The following NAA35 variants were observed in gnomAD, a reference collection of about 807,000 sequenced individuals.
NAA35 encodes N-alpha-acetyltransferase 35, NatC auxiliary subunit.
Under a neutral mutation model 101.7 loss-of-function variants are expected in NAA35, and 18 were observed. That is an observed-to-expected ratio of 0.18 (90% CI 0.12 to 0.26). The LOEUF is 0.26. NAA35 is among the 10% of genes least tolerant of loss of function. NAA35 has a pLI of 1.00. For missense variants in NAA35, 601 were observed against 886.8 expected, an observed-to-expected ratio of 0.68 and a Z score of 4.09; for synonymous variants, 267 against 273.1, an observed-to-expected ratio of 0.98 and a Z score of 0.22.
chr9:85,994,738 GGGGGAA>G, intron 11 of NAA35, among the ~76,000 whole-genome samples: 1 of 152,152 alleles, frequency 6.6e-6, no homozygotes, highest in South Asian at 2.1e-4. Flanking sequence ...CTTTTATCCG[GGGGGAA>G]GGGGAAGGTA....
intron 14 of NAA35, among the ~76,000 whole-genome samples, chr9:86,009,558 G>C (rs1831806269): frequency 6.6e-6 from 1 of 152,112 alleles, no homozygotes; most frequent in Non-Finnish European, 1.5e-5. Flanking sequence ...ATGTGACACT[G>C]AAGTAGGGTC....
intron 6 of NAA35, among the ~76,000 whole-genome samples, chr9:85,974,113 T>G (rs1830116320): frequency 6.6e-6 from 1 of 152,060 alleles, no homozygotes; most frequent in Admixed American, 6.6e-5. Context: ...CATGCCACCA[T>G]GCCTGGCTAA....
intron 6 of NAA35, among the ~76,000 whole-genome samples, chr9:85,969,445 A>G (rs1193464726): frequency 6.6e-6 from 1 of 152,084 alleles, no homozygotes; most frequent in Non-Finnish European, 1.5e-5. Flanking sequence ...CTGTTTGTGC[A>G]TTGATCCCAT....
Position 86,013,026 on chromosome 9 carries a change from A to T in NAA35, c.1291-20A>T, listed in dbSNP as rs1231000427. On this transcript the variant is annotated intron_variant, in intron 15 of 22. Coordinates refer to ENST00000361671, the MANE Select transcript of NAA35 (RefSeq NM_024635.4). The stretch of plus-strand genomic sequence containing the variant: ...AGGAAATTTCATATTTACAGTTGAC[A>T]AATTATATGTGTATTGCAGCCATTC... 6.9e-7 allele frequency: 1 copy of T among 1,451,248 alleles called. No homozygotes were observed. 89.9% of individuals were successfully genotyped at this position (1,451,248 alleles called of 1,614,324 possible).
chr9:86,018,138 C>A, intron 19 of NAA35, 117 bp from the exon 20 acceptor site: 1 of 858,544 alleles, frequency 1.2e-6, no homozygotes, highest in Non-Finnish European at 1.8e-6. Context: ...CTCATTTCTT[C>A]AGAAGTGTTT....
At chr9:85,978,480 C>G (rs1446914584) in intron 11 of NAA35, 99 bp downstream of exon 11, 1 of 744,224 alleles carries the variant, frequency 1.3e-6, no homozygotes, top group Non-Finnish European at 2.3e-6. Context: ...CAGTCTTGTA[C>G]CTTGGGATGT....
chr9:85,953,441 T>C (rs960887687), intron 2 of NAA35, among the ~76,000 whole-genome samples: 1 of 152,096 alleles, frequency 6.6e-6, no homozygotes, highest in Admixed American at 6.6e-5. Context: ...TTTTTTCTCT[T>C]TTTGAGACAG....
chr9:85,986,786 T>G (rs1025177346), intron 11 of NAA35: 17 of 264,450 alleles, frequency 6.4e-5, no homozygotes, highest in African/African-American at 1.2e-4. Flanking sequence ...AGACGGAGTT[T>G]CACCATGTTG....
chr9:86,017,210 T>TCC (rs1447402921), intron 18 of NAA35, among the ~76,000 whole-genome samples: 1 of 152,248 alleles, frequency 6.6e-6, no homozygotes, highest in East Asian at 1.9e-4. Context: ...GGTCATTAAA[T>TCC]CACTGTATTT....
At chr9:85,963,416 G>A (rs1371240565) in intron 6 of NAA35, among the ~76,000 whole-genome samples, 1 of 151,402 alleles carries the variant, frequency 6.6e-6, no homozygotes, top group African/African-American at 2.4e-5. Flanking sequence ...GATTACAGGC[G>A]TGCACCACCA....
intron 1 of NAA35, chr9:85,941,781 C>T (rs755177755): frequency 1.8e-4 from 183 of 996,130 alleles, no homozygotes; most frequent in Non-Finnish European, 2.1e-4. Flanking sequence ...GCATGGGGTC[C>T]TGGGCTGCGA....
At chr9:85,987,934 A>G (rs1447792440) in intron 11 of NAA35, among the ~76,000 whole-genome samples, 2 of 152,240 alleles carry the variant, frequency 1.3e-5, no homozygotes. Context: ...ACTGTGTTAA[A>G]CTATGTGAAT....
chr9:85,944,401 A>G (rs1330572849), intron 2 of NAA35, among the ~76,000 whole-genome samples: 1 of 152,178 alleles, frequency 6.6e-6, no homozygotes, highest in African/African-American at 2.4e-5. Flanking sequence ...ATGGATTAGG[A>G]TGAAAAGAGT....
intron 17 of NAA35, among the ~76,000 whole-genome samples, chr9:86,014,833 A>G (rs1468826550): frequency 1.3e-5 from 2 of 152,204 alleles, no homozygotes; most frequent in Non-Finnish European, 2.9e-5. Flanking sequence ...ATTCTTCAAC[A>G]TTTATATAGA....
chr9:85,988,766 A>T (rs1390067424), intron 11 of NAA35, among the ~76,000 whole-genome samples: 1 of 151,764 alleles, frequency 6.6e-6, no homozygotes. Context: ...ATTGCACTCC[A>T]GTCTGGGCAA....
At chr9:85,986,591 C>CTT in intron 11 of NAA35, 6 of 260,274 alleles carry the variant, frequency 2.3e-5, no homozygotes, top group East Asian at 1.0e-4. Context: ...GGTGTCCAAT[C>CTT]TTTTTTTTTT....
chr9:85,974,990 T>C lies in NAA35; in HGVS notation c.540T>C (p.Tyr180=), dbSNP rs372488081. The C allele has an allele frequency of 2.1e-5, 34 of 1,612,602 alleles. No individual in the cohort carries two copies. The highest frequency in any genetic ancestry group is 1.6e-4 in the East Asian group (7 of 44,766). The change falls in exon 7 of 23, where the codon TAT becomes TAC. Residue 180 remains tyrosine, a synonymous_variant. Coordinates refer to ENST00000361671, the MANE Select transcript of NAA35 (RefSeq NM_024635.4). ...FEEEDFQSMT[Y]GFKMANSVTD... ...AGGAAGATTTTCAGTCAATGACTTA[T>C]GGATTTAAAATGGCTAACAGTGTGA...
intron 21 of NAA35, among the ~76,000 whole-genome samples, chr9:86,019,113 C>G (rs1425968512): frequency 1.3e-5 from 2 of 152,200 alleles, no homozygotes; most frequent in Non-Finnish European, 2.9e-5. Context: ...CCAGACTGAT[C>G]TGATTCATAG....
At chr9:85,984,853 CT>C (rs1200624125) in intron 11 of NAA35, among the ~76,000 whole-genome samples, 1 of 152,166 alleles carries the variant, frequency 6.6e-6, no homozygotes, top group Non-Finnish European at 1.5e-5. Context: ...CCCATCACCC[CT>C]GCTGGTCTTA....
Sources: allele counts gnomAD v4.1 joint callset (sites outside exome capture counted in the v4.1 genomes callset), GRCh38; gene constraint gnomAD v4.1.1; transcripts MANE v1.5; gene names NCBI Gene and HGNC (gene_info 2026-07-23, HGNC 2026-07-21).